The following EFNA5 variants were observed in gnomAD, a reference collection of about 807,000 sequenced individuals.
EFNA5 encodes the protein ephrin A5, also known as ephrin-A5.
EFNA5 carries 5 observed loss-of-function variants against 22.9 expected under a neutral mutation model. The observed-to-expected ratio is 0.22, with a 90% CI of 0.11 to 0.46. The LOEUF (loss-of-function observed/expected upper bound fraction) is 0.46. Ranked by LOEUF, EFNA5 falls within the 20% of genes least tolerant of loss-of-function variation. The pLI, the probability that EFNA5 is intolerant of heterozygous loss-of-function variation, is 0.99. For missense variants in EFNA5, 237 were observed against 293.3 expected (o/e 0.81, Z 1.40); for synonymous variants, 113 against 112.2 (o/e 1.01, Z -0.04).
intron 1 of EFNA5, among the ~76,000 whole-genome samples, chr5:107,471,933 C>T (rs1750151888): frequency 6.6e-6 from 1 of 152,132 alleles, no homozygotes; most frequent in African/African-American, 2.4e-5. Flanking sequence ...TTTCTTTTAA[C>T]ATTTAATAAG....
At chr5:107,552,601 G>A (rs1748323838) in intron 1 of EFNA5, among the ~76,000 whole-genome samples, 1 of 152,208 alleles carries the variant, frequency 6.6e-6, no homozygotes, top group Non-Finnish European at 1.5e-5. Context: ...TGTGAAAAAT[G>A]TAACTGATAT....
At chr5:107,614,923 T>A (rs1476522785) in intron 1 of EFNA5, among the ~76,000 whole-genome samples, 1 of 152,188 alleles carries the variant, frequency 6.6e-6, no homozygotes. Context: ...AAGCTCAGCT[T>A]TTATTGTCAT....
intron 1 of EFNA5, among the ~76,000 whole-genome samples, chr5:107,496,911 G>C (rs1167120235): frequency 6.6e-6 from 1 of 152,208 alleles, no homozygotes; most frequent in Non-Finnish European, 1.5e-5. Context: ...TGGCTCCTAG[G>C]AGCAAGTCAT....
chr5:107,608,303 G>A (rs1156928762), intron 1 of EFNA5, among the ~76,000 whole-genome samples: 1 of 152,082 alleles, frequency 6.6e-6, no homozygotes, highest in Non-Finnish European at 1.5e-5. Context: ...ACCTCCTTTT[G>A]AGCAACCGTG....
At chr5:107,554,005 A>G (rs1748355435) in intron 1 of EFNA5, among the ~76,000 whole-genome samples, 2 of 152,228 alleles carry the variant, frequency 1.3e-5, no homozygotes, top group South Asian at 4.1e-4. Context: ...AATATCTGAT[A>G]CTTTACAAAA....
chr5:107,588,071 T>TC (rs2112499905), intron 1 of EFNA5, among the ~76,000 whole-genome samples: 1 of 152,218 alleles, frequency 6.6e-6, no homozygotes, highest in South Asian at 2.1e-4. Flanking sequence ...AGCTAAAAAC[T>TC]CCCAATGACT....
chr5:107,510,109 C>CTT (rs1244481409), intron 1 of EFNA5, among the ~76,000 whole-genome samples: 1 of 152,178 alleles, frequency 6.6e-6, no homozygotes, highest in East Asian at 1.9e-4. Flanking sequence ...AAAGACCTTG[C>CTT]TGATAAAACA....
chr5:107,524,670 T>C (rs1301025922), intron 1 of EFNA5, among the ~76,000 whole-genome samples: 1 of 152,140 alleles, frequency 6.6e-6, no homozygotes, highest in Non-Finnish European at 1.5e-5. Flanking sequence ...ACACATTAGG[T>C]AAAGTCAAAC....
At chr5:107,583,557 A>T (rs572571700) in intron 1 of EFNA5, among the ~76,000 whole-genome samples, 1 of 152,324 alleles carries the variant, frequency 6.6e-6, no homozygotes, top group South Asian at 2.1e-4. Flanking sequence ...GCTTGGTAAG[A>T]AGCAAGAGAG....
chr5:107,414,936 T>A (rs953576560), intron 2 of EFNA5, among the ~76,000 whole-genome samples: 4 of 152,308 alleles, frequency 2.6e-5, no homozygotes, highest in African/African-American at 9.6e-5. Flanking sequence ...GAATCATTTC[T>A]GCATAAGTAC....
intron 2 of EFNA5, among the ~76,000 whole-genome samples, chr5:107,394,444 G>A (rs1220019621): frequency 6.6e-6 from 1 of 152,060 alleles, no homozygotes; most frequent in Admixed American, 6.6e-5. Context: ...ATAAGAAAAG[G>A]GATGTGTTTC....
chr5:107,439,948 T>C (rs997267895), intron 1 of EFNA5, among the ~76,000 whole-genome samples: 1 of 152,208 alleles, frequency 6.6e-6, no homozygotes, highest in Non-Finnish European at 1.5e-5. Context: ...CCAGAATACA[T>C]GAAACTGTCA....
intron 1 of EFNA5, among the ~76,000 whole-genome samples, chr5:107,435,445 T>G (rs1749086554): frequency 6.6e-6 from 1 of 152,000 alleles, no homozygotes; most frequent in Admixed American, 6.6e-5. Flanking sequence ...TTGTTAATTT[T>G]AAATTTCTCT....
intron 1 of EFNA5, among the ~76,000 whole-genome samples, chr5:107,549,170 G>A (rs1748232155): frequency 6.6e-6 from 1 of 152,090 alleles, no homozygotes; most frequent in Non-Finnish European, 1.5e-5. Context: ...AAGAAAAAAA[G>A]AAAGCCCAAA....
chr5:107,476,564 G>A (rs955309528), intron 1 of EFNA5, among the ~76,000 whole-genome samples: 3 of 152,000 alleles, frequency 2.0e-5, no homozygotes, highest in African/African-American at 7.3e-5. Context: ...AAATGAAAAT[G>A]ACCAGTTCAA....
intron 1 of EFNA5, among the ~76,000 whole-genome samples, chr5:107,510,772 C>A (rs1301574547): frequency 6.6e-6 from 1 of 152,102 alleles, no homozygotes; most frequent in Non-Finnish European, 1.5e-5. Flanking sequence ...CAAGTTTTAA[C>A]ACAGTCTCAA....
chr5:107,438,841 C>T (rs1296059434), intron 1 of EFNA5, among the ~76,000 whole-genome samples: 1 of 152,172 alleles, frequency 6.6e-6, no homozygotes, highest in Non-Finnish European at 1.5e-5. Flanking sequence ...GGTGGGAAGG[C>T]AAACAGGTAT....
intron 1 of EFNA5, among the ~76,000 whole-genome samples, chr5:107,553,292 G>T (rs1748338877): frequency 6.6e-6 from 1 of 152,210 alleles, no homozygotes; most frequent in South Asian, 2.1e-4. Context: ...ACCCTGCCAT[G>T]GCTCGGCTGT....
chr5:107,456,431 G>T (rs965158539), intron 1 of EFNA5, among the ~76,000 whole-genome samples: 1 of 152,156 alleles, frequency 6.6e-6, no homozygotes, highest in African/African-American at 2.4e-5. Flanking sequence ...ATGCAGGCTT[G>T]TTCAAACATG....
Sources: allele counts gnomAD v4.1 joint callset (sites outside exome capture counted in the v4.1 genomes callset), GRCh38; gene constraint gnomAD v4.1.1; transcripts MANE v1.5; gene names NCBI Gene and HGNC (gene_info 2026-07-23, HGNC 2026-07-21).